Variants in LRRC52 observed in about 807,000 individuals in gnomAD.
LRRC52 encodes leucine rich repeat containing 52.
Under a neutral mutation model 14.7 loss-of-function variants are expected in LRRC52, and 15 were observed. That is an observed-to-expected ratio of 1.02 (90% CI 0.68 to 1.58). The LOEUF is 1.58. Ranked by LOEUF, LRRC52 falls within the 40% of genes most tolerant of loss-of-function variation. The pLI, the probability that LRRC52 is intolerant of heterozygous loss-of-function variation, is 0.00. For missense variants in LRRC52, 400 were observed against 387.7 expected (o/e 1.03, Z -0.27); for synonymous variants, 180 against 163.9 (o/e 1.10, Z -0.75).
intron 1 of LRRC52, among the ~76,000 whole-genome samples, chr1:165,555,248 G>A (rs1049538908): frequency 2.6e-5 from 4 of 152,288 alleles, no homozygotes; most frequent in Non-Finnish European, 2.9e-5. Flanking sequence ...GTGGGCCTGC[G>A]GAGGTGGTTT....
At chr1:165,561,145 C>T (rs1453005497) in intron 1 of LRRC52, among the ~76,000 whole-genome samples, 1 of 152,176 alleles carries the variant, frequency 6.6e-6, no homozygotes, top group Non-Finnish European at 1.5e-5. Flanking sequence ...AAGCCACCCA[C>T]ATCCCTCACT....
intron 1 of LRRC52, among the ~76,000 whole-genome samples, chr1:165,559,737 C>T (rs1170598885): frequency 2.6e-5 from 4 of 152,170 alleles, no homozygotes; most frequent in Admixed American, 6.5e-5. Flanking sequence ...GTTTCTAAAG[C>T]TTATTTCTAG....
chr1:165,552,372 C>G (rs1661149086), intron 1 of LRRC52, among the ~76,000 whole-genome samples: 2 of 152,138 alleles, frequency 1.3e-5, no homozygotes, highest in African/African-American at 4.8e-5. Flanking sequence ...GTGAAGAGCT[C>G]CTCATCCTGG....
chr1:165,546,365 A>G (rs532901040), intron 1 of LRRC52, among the ~76,000 whole-genome samples: 15 of 152,364 alleles, frequency 9.8e-5, no homozygotes, highest in African/African-American at 3.6e-4. Flanking sequence ...CAACAGGACT[A>G]GAATGCAGAA....
In LRRC52 at chr1:165,544,590, C is replaced by T. The variant is rs369144835; in HGVS notation, c.294C>T (p.Ile98=). 47 of 1,613,806 alleles carry T rather than the reference C, an allele frequency of 2.9e-5. No individual in the cohort carries two copies. The highest frequency in any genetic ancestry group is 3.6e-5 in the Non-Finnish European group (42 of 1,179,992). The part of the protein sequence containing the change: ...RIREVMDYTF[I]GVFKLIYLDL... Reference sequence around the variant, plus strand: ...GAGAGGTGATGGATTATACCTTCATCGGGGTCTTCAAACTCATCTACCTTG... The same window carrying T: ...GAGAGGTGATGGATTATACCTTCATTGGGGTCTTCAAACTCATCTACCTTG... The change falls in exon 1 of 2, where the codon ATC becomes ATT. Residue 98 remains isoleucine (I), a synonymous_variant. Transcript: ENST00000294818.
chr1:165,556,323 T>C (rs926951953), intron 1 of LRRC52, among the ~76,000 whole-genome samples: 23 of 152,222 alleles, frequency 1.5e-4, no homozygotes, highest in African/African-American at 5.5e-4. Flanking sequence ...CAAGGTCTCA[T>C]CTCCATGTTC....
Position 165,544,000 on chromosome 1 carries a change from C to A in LRRC52, c.-297C>A. ...ATTGTCATGTGGCTCTCCCCTGGCT[C>A]CCCTTCACTTGCAAACGCAGGGAAA... On this transcript the variant is annotated 5_prime_UTR_variant, in exon 1 of 2. Coordinates refer to ENST00000294818, the MANE Select transcript of LRRC52 (RefSeq NM_001005214.4). 2.3e-6 allele frequency: 1 copy of A among 434,796 alleles called. No homozygotes were observed. Among genetic ancestry groups the A allele is most frequent in the Non-Finnish European group, 4.2e-6 (1 of 240,642 alleles). 26.9% of individuals were successfully genotyped at this position (434,796 alleles called of 1,614,324 possible).
intron 1 of LRRC52, among the ~76,000 whole-genome samples, chr1:165,548,282 G>C: frequency 6.6e-6 from 1 of 152,192 alleles, no homozygotes; most frequent in East Asian, 1.9e-4. Context: ...ATGCAGTGAA[G>C]TAAAGGACTT....
At chr1:165,548,927 C>T (rs1285651217) in intron 1 of LRRC52, among the ~76,000 whole-genome samples, 1 of 152,112 alleles carries the variant, frequency 6.6e-6, no homozygotes, top group Non-Finnish European at 1.5e-5. Flanking sequence ...GAAGGCTCAG[C>T]ATACGTGGTG....
In LRRC52 at chr1:165,563,775, T is replaced by C. The variant is rs756330246; in HGVS notation, c.893T>C (p.Ile298Thr). ...ACTAGGGTGGAAGTCAGCCGGCGGATTTTTCAAACCCAGACGAGCTCGGTC... is the reference window on the plus strand; with the variant it reads ...ACTAGGGTGGAAGTCAGCCGGCGGACTTTTCAAACCCAGACGAGCTCGGTC... ...AGTRVEVSRRIFQTQTSSVQE... is the reference protein window; with the variant it reads ...AGTRVEVSRRTFQTQTSSVQE... The change falls in exon 2 of 2, where the codon ATT becomes ACT. Residue 298 changes from isoleucine (I) to threonine (T), a missense_variant. Physicochemically the swap from Ile to Thr is moderately conservative, Grantham distance 89. Transcript: ENST00000294818. The C allele has an allele frequency of 6.2e-7, 1 of 1,614,072 alleles. No individual in the cohort carries two copies. The highest frequency in any genetic ancestry group is 2.2e-5 in the East Asian group (1 of 44,880).
rs1228341112 is a variant in LRRC52, at chr1:165,551,991, A to T, written c.622+7073A>T. Among the ~76,000 whole-genome samples the T allele has an allele frequency of 3.3e-5, 5 of 151,430 alleles. No homozygotes were observed. In the East Asian group the frequency reaches 9.7e-4, roughly 29 times the overall value. The stretch of plus-strand genomic sequence containing the variant: ...AAAGGCTAAAAAAGAAAAAAAAAAA[A>T]AAAAGGCTGGGCAACCAGCAGCTCC... On this transcript the variant is annotated intron_variant, in intron 1 of 1. Coordinates refer to ENST00000294818, the MANE Select transcript of LRRC52 (RefSeq NM_001005214.4).
At chr1:165,554,454 T>TTGTTGTTG (rs1557965487) in intron 1 of LRRC52, among the ~76,000 whole-genome samples, 14 of 79,034 alleles carry the variant, frequency 1.8e-4, no homozygotes, top group East Asian at 7.7e-4. Context: ...TGTTGTTGTT[T>TTGTTGTTG]TTTGGAGGCA....
chr1:165,554,012 A>T (rs1571108970), intron 1 of LRRC52, among the ~76,000 whole-genome samples: 1 of 152,076 alleles, frequency 6.6e-6, no homozygotes, highest in African/African-American at 2.4e-5. Flanking sequence ...GATGCAGGCC[A>T]CCTGTCATTT....
At chr1:165,545,921 T>A (rs1401135895) in intron 1 of LRRC52, among the ~76,000 whole-genome samples, 1 of 151,218 alleles carries the variant, frequency 6.6e-6, no homozygotes, top group Non-Finnish European at 1.5e-5. Context: ...GTAGTTTCTG[T>A]CTTCCCTGGG....
At chr1:165,560,503 A>G (rs1007113461) in intron 1 of LRRC52, among the ~76,000 whole-genome samples, 3 of 152,212 alleles carry the variant, frequency 2.0e-5, no homozygotes, top group African/African-American at 7.2e-5. Flanking sequence ...AAGGATGCAC[A>G]TTGTAAATAA....
At chr1:165,556,653 G>A (rs1661240866) in intron 1 of LRRC52, among the ~76,000 whole-genome samples, 4 of 152,222 alleles carry the variant, frequency 2.6e-5, no homozygotes, top group Admixed American at 2.6e-4. Context: ...AAAACAGCAG[G>A]CTGGATTTGG....
At chr1:165,545,053 C>A in intron 1 of LRRC52, 135 bp downstream of exon 1, 2 of 1,148,730 alleles carry the variant, frequency 1.7e-6, no homozygotes, top group Non-Finnish European at 2.5e-6. Flanking sequence ...TCTGCAGGGC[C>A]CACCCTTGGG....
intron 1 of LRRC52, among the ~76,000 whole-genome samples, chr1:165,551,803 C>T (rs531625008): frequency 1.1e-4 from 16 of 152,196 alleles, no homozygotes; most frequent in African/African-American, 3.9e-4. Flanking sequence ...ATCCTGTATT[C>T]AAGACTGTTG....
Position 165,563,748 on chromosome 1 carries a change from G to C in LRRC52, c.866G>C (p.Gly289Ala). 1.2e-6 allele frequency: 2 copies of C among 1,614,168 alleles called. No individual in the cohort carries two copies. Among genetic ancestry groups the C allele is most frequent in the South Asian group, 2.2e-5 (2 of 91,076 alleles). ...KSSEEDEDEA[G>A]TRVEVSRRIF... ...AGTGAAGAAGATGAGGACGAGGCCGGGACTAGGGTGGAAGTCAGCCGGCGG... is the reference window on the plus strand; with the variant it reads ...AGTGAAGAAGATGAGGACGAGGCCGCGACTAGGGTGGAAGTCAGCCGGCGG... The change falls in exon 2 of 2, where the codon GGG becomes GCG. Residue 289 changes from glycine (G) to alanine (A), a missense_variant. Transcript: ENST00000294818.
Sources: allele counts gnomAD v4.1 joint callset (sites outside exome capture counted in the v4.1 genomes callset), GRCh38; gene constraint gnomAD v4.1.1; transcripts MANE v1.5; gene names NCBI Gene and HGNC (gene_info 2026-07-23, HGNC 2026-07-21).